CFAP54: variants seen among roughly 807,000 people sequenced by gnomAD.
CFAP54 encodes cilia and flagella associated protein 54.
CFAP54 carries 290 observed loss-of-function variants against 370.4 expected under a neutral mutation model. The observed-to-expected ratio is 0.78, with a 90% confidence interval of 0.71 to 0.86. The LOEUF (loss-of-function observed/expected upper bound fraction) is 0.86, where lower values mean the gene tolerates loss of function less well. Ranked by LOEUF, CFAP54 falls within the 40% of genes least tolerant of loss-of-function variation. The probability of loss-of-function intolerance (pLI) is 0.00; values close to 1 mark genes in which losing one functional copy is unlikely to be tolerated. For missense variants in CFAP54, 3,399 were observed against 3,528.7 expected (o/e 0.96, Z 0.93); for synonymous variants, 1,206 against 1,236.5 (o/e 0.98, Z 0.52).
At chr12:96,621,501 G>A in intron 26 of CFAP54, 89 bp from the exon 27 acceptor site, 1 of 936,240 alleles carries the variant, frequency 1.1e-6, no homozygotes, top group South Asian at 3.1e-5. Flanking sequence ...AAACTCTATG[G>A]GGCTTTTGAA....
chr12:96,590,898 T>G (rs575146894), intron 23 of CFAP54, among the ~76,000 whole-genome samples: 2 of 152,278 alleles, frequency 1.3e-5, no homozygotes, highest in Non-Finnish European at 2.9e-5. Context: ...GTGCTGACAC[T>G]CAGGAGAGCA....
At chr12:96,645,996 C>T (rs1156559166) in intron 33 of CFAP54, 2 of 152,010 alleles carry the variant, frequency 1.3e-5, no homozygotes, top group Non-Finnish European at 1.5e-5. Context: ...CCATAAAAAC[C>T]CTAGAAGAAA....
Position 96,527,318 on chromosome 12 carries a change from G to T in CFAP54, c.1231G>T (p.Ala411Ser), listed in dbSNP as rs868237096. 1 of 1,535,704 alleles carries T rather than the reference G, an allele frequency of 6.5e-7. No homozygotes were observed. The highest frequency in any genetic ancestry group is 1.2e-5 in the South Asian group (1 of 83,972). Residue 411 changes from alanine to serine, a missense_variant, in exon 9 of 68, where the codon GCT (alanine) becomes TCT (serine). Physicochemically the swap from Ala to Ser is moderately conservative, Grantham distance 99. This residue lies in a region of CFAP54 where 559 missense variants were observed against 576.7 expected (regional missense o/e 0.97). Coordinates refer to ENST00000524981, the MANE Select transcript of CFAP54 (RefSeq NM_001306084.2). ...TGATAGCACTGCATCCCAGTTTCTG[G>T]CTGTCTTGGAAGCTCTTTCTGATTC... ...MFDSTASQFL[A>S]VLEALSDSNR...
At chr12:96,812,109 T>C (rs1419392698) in intron 64 of CFAP54, among the ~76,000 whole-genome samples, 3 of 152,204 alleles carry the variant, frequency 2.0e-5, no homozygotes, top group Admixed American at 6.5e-5. Context: ...AGTTTCCTTA[T>C]AGTAAAATGG....
chr12:96,642,282 G>C (rs1641707), intron 32 of CFAP54, among the ~76,000 whole-genome samples: 14,636 of 152,018 alleles, frequency 0.096, 857 homozygotes, highest in South Asian at 0.24. Flanking sequence ...TACACACCTT[G>C]TACAGCCCTC....
intron 50 of CFAP54, among the ~76,000 whole-genome samples, chr12:96,733,486 T>C (rs1957945281): frequency 1.3e-5 from 2 of 151,846 alleles, no homozygotes; most frequent in Middle Eastern, 3.2e-3. Flanking sequence ...GGGATCAAAG[T>C]TATTCAAATT....
chr12:96,578,615 A>T (rs1279556933), intron 20 of CFAP54, among the ~76,000 whole-genome samples: 2 of 152,198 alleles, frequency 1.3e-5, no homozygotes, highest in Non-Finnish European at 2.9e-5. Flanking sequence ...TATTTGGCCT[A>T]TAGTTTTAGG....
chr12:96,499,393 A>G (rs910792626), intron 1 of CFAP54, among the ~76,000 whole-genome samples: 11 of 152,318 alleles, frequency 7.2e-5, no homozygotes, highest in South Asian at 4.1e-4. Context: ...AATCAGGGGA[A>G]TGCAAATTAA....
At chr12:96,605,562 A>C (rs929283393) in intron 26 of CFAP54, among the ~76,000 whole-genome samples, 1 of 152,246 alleles carries the variant, frequency 6.6e-6, no homozygotes, top group Non-Finnish European at 1.5e-5. Flanking sequence ...GAGAAGACAT[A>C]GGCAAGAGTG....
intron 29 of CFAP54, among the ~76,000 whole-genome samples, chr12:96,626,593 T>C (rs1956551799): frequency 6.6e-6 from 1 of 152,144 alleles, no homozygotes; most frequent in South Asian, 2.1e-4. Flanking sequence ...CTGAGATATT[T>C]AGAAAATAAA....
intron 19 of CFAP54, among the ~76,000 whole-genome samples, chr12:96,574,085 T>C (rs1955952327): frequency 6.6e-6 from 1 of 152,088 alleles, no homozygotes. Context: ...GGCTTCATTA[T>C]TTTAGAAAAA....
chr12:96,613,328 A>G (rs1053612745), intron 26 of CFAP54, among the ~76,000 whole-genome samples: 2 of 152,254 alleles, frequency 1.3e-5, no homozygotes, highest in Non-Finnish European at 2.9e-5. Flanking sequence ...CAATGAGAAC[A>G]TAGACACAAC....
At chr12:96,694,283 T>G (rs981929708) in intron 45 of CFAP54, among the ~76,000 whole-genome samples, 3 of 152,208 alleles carry the variant, frequency 2.0e-5, no homozygotes, top group Admixed American at 2.0e-4. Context: ...GCCTTTGAGA[T>G]TCATGTGTGA....
intron 26 of CFAP54, among the ~76,000 whole-genome samples, chr12:96,618,643 G>T (rs1026422505): frequency 2.6e-5 from 4 of 152,200 alleles, no homozygotes; most frequent in African/African-American, 9.6e-5. Context: ...AAGAAGATGG[G>T]AGAGAATGCT....
At chr12:96,687,161 CT>C (rs745862651) in intron 42 of CFAP54, among the ~76,000 whole-genome samples, 1 of 152,162 alleles carries the variant, frequency 6.6e-6, no homozygotes, top group Non-Finnish European at 1.5e-5. Flanking sequence ...ACATCTCCTT[CT>C]CTGTCTCTGA....
rs1027726627 is a variant in CFAP54, at chr12:96,757,429, G to A, written c.7947-66G>A. On this transcript the variant is annotated intron_variant, in intron 57 of 67. Coordinates refer to ENST00000524981, the MANE Select transcript of CFAP54 (RefSeq NM_001306084.2). The stretch of plus-strand genomic sequence containing the variant: ...ACCTTTCATCAGCTCAGAAATTGTT[G>A]GCAAATGATACCAATGATTATGCAT... 7 of 868,420 alleles carry A rather than the reference G, an allele frequency of 8.1e-6. No individual in the cohort carries two copies. The African/African-American group carries it at 8.6e-5, about 11-fold the overall frequency. The allele number at this position is 868,420 out of a possible 1,614,324, so 53.8% of individuals were successfully genotyped here.
At chr12:96,789,255 C>T (rs187484644) in intron 62 of CFAP54, among the ~76,000 whole-genome samples, 2 of 152,266 alleles carry the variant, frequency 1.3e-5, no homozygotes, top group East Asian at 3.9e-4. Flanking sequence ...GTTCTTTTTC[C>T]CAGATTCAGC....
At chr12:96,688,853 T>C (rs1957356804) in intron 42 of CFAP54, 63 bp from the exon 43 acceptor site, 1 of 902,846 alleles carries the variant, frequency 1.1e-6, no homozygotes, top group African/African-American at 1.7e-5. Context: ...TGTAAAGACA[T>C]TTATATCAAA....
intron 1 of CFAP54, among the ~76,000 whole-genome samples, chr12:96,495,286 TTCCTTCTTTCC>T (rs1954938581): frequency 1.4e-5 from 2 of 147,852 alleles, no homozygotes; most frequent in South Asian, 2.2e-4. Context: ...CCTTCCTTCC[TTCCTTCTTTCC>T]TTCCTTCCTT....
Sources: allele counts gnomAD v4.1 joint callset (sites outside exome capture counted in the v4.1 genomes callset), GRCh38; gene constraint gnomAD v4.1.1; regional missense constraint gnomAD v4.1.1; transcripts MANE v1.5; gene names NCBI Gene and HGNC (gene_info 2026-07-23, HGNC 2026-07-21).